Variants in TSHZ2 observed in about 807,000 individuals in gnomAD.
TSHZ2 encodes the protein teashirt homolog 2.
Under a neutral mutation model 74.4 loss-of-function variants are expected in TSHZ2, and 21 were observed. That is an observed-to-expected ratio of 0.28 (90% CI 0.20 to 0.41). TSHZ2 has a LOEUF of 0.41. Ranked by LOEUF, TSHZ2 falls within the 10% of genes least tolerant of loss-of-function variation. TSHZ2 has a pLI of 1.00. For synonymous variants in TSHZ2, 540 were observed against 515.3 expected, an observed-to-expected ratio of 1.05 and a Z score of -0.65; for missense variants, 1,244 against 1,293.5, an observed-to-expected ratio of 0.96 and a Z score of 0.59.
rs543708319 is a variant in TSHZ2 at position 53,334,734 on chromosome 20, G to A, written c.*8+78163G>A. ...TTTTGAGGCAGAGTCTCGCTCTGTC[G>A]CCCAGGCTGGAGTGCAGTGGCGCAC... On this transcript the variant is annotated intron_variant, in intron 2 of 2. Coordinates refer to ENST00000371497, the MANE Select transcript of TSHZ2 (RefSeq NM_173485.6). Among the ~76,000 whole-genome samples, 15 of 151,226 alleles carry A rather than the reference G, an allele frequency of 9.9e-5. No homozygotes were observed. The East Asian group carries it at 2.1e-3, about 22-fold the overall frequency.
chr20:53,236,210 C>G (rs1004712130), intron 1 of TSHZ2, among the ~76,000 whole-genome samples: 1 of 152,214 alleles, frequency 6.6e-6, no homozygotes, highest in Admixed American at 6.5e-5. Flanking sequence ...TCCTTTCTAT[C>G]TAACTACCAT....
chr20:53,129,736 C>T (rs535920494), intron 1 of TSHZ2, among the ~76,000 whole-genome samples: 5 of 152,214 alleles, frequency 3.3e-5, no homozygotes, highest in African/African-American at 7.2e-5. Flanking sequence ...TGTCAGTCTA[C>T]GCAGAGTGGC....
At chr20:53,478,768 A>G (rs1600671253) in intron 2 of TSHZ2, among the ~76,000 whole-genome samples, 1 of 152,236 alleles carries the variant, frequency 6.6e-6, no homozygotes, top group African/African-American at 2.4e-5. Flanking sequence ...CACTGTTGAC[A>G]TTTTAGGACA....
chr20:53,472,075 G>T (rs144525398), intron 2 of TSHZ2, among the ~76,000 whole-genome samples: 1 of 152,156 alleles, frequency 6.6e-6, no homozygotes, highest in Non-Finnish European at 1.5e-5. Flanking sequence ...AAAGTGCTGG[G>T]ACTACAGGTG....
intron 1 of TSHZ2, among the ~76,000 whole-genome samples, chr20:53,116,498 C>T (rs1986671210): frequency 6.6e-6 from 1 of 152,178 alleles, no homozygotes; most frequent in Non-Finnish European, 1.5e-5. Context: ...TGCTCCTGCC[C>T]TCCACCCCAC....
chr20:53,315,200 A>C (rs1978955538), intron 2 of TSHZ2, among the ~76,000 whole-genome samples: 1 of 152,216 alleles, frequency 6.6e-6, no homozygotes, highest in African/African-American at 2.4e-5. Flanking sequence ...AGAAGACTAA[A>C]GGTTTTCTTT....
intron 1 of TSHZ2, among the ~76,000 whole-genome samples, chr20:53,132,975 C>G (rs1987146470): frequency 1.3e-5 from 2 of 152,084 alleles, no homozygotes; most frequent in South Asian, 4.1e-4. Flanking sequence ...TGATGCATAT[C>G]TCTTTTCTCT....
chr20:53,179,380 C>T (rs1467856689), intron 1 of TSHZ2: 1 of 152,148 alleles, frequency 6.6e-6, no homozygotes, highest in East Asian at 1.9e-4. Context: ...TTCCAGCCAT[C>T]ATGACTTAAT....
chr20:53,187,117 G>A (rs1988617978), intron 1 of TSHZ2, among the ~76,000 whole-genome samples: 1 of 152,068 alleles, frequency 6.6e-6, no homozygotes, highest in Non-Finnish European at 1.5e-5. Context: ...CATAGATACA[G>A]GACAGTGATA....
In TSHZ2 at chr20:53,051,457, G is replaced by GCGCACACA. The variant is rs778579793; in HGVS notation, c.40+78125_40+78126insGCACACAC. On this transcript the variant is annotated intron_variant, in intron 1 of 2. Coordinates refer to ENST00000371497, the MANE Select transcript of TSHZ2 (RefSeq NM_173485.6). Reference sequence around the variant, plus strand: ...CTTATCATATTACTCTGTGGCGCACGCACACACACACACACACACACACAC... The same window carrying GCGCACACA: ...CTTATCATATTACTCTGTGGCGCACGCGCACACACACACACACACACACACACACACAC... 2.6e-4 allele frequency among the ~76,000 whole-genome samples: 38 copies of GCGCACACA among 145,208 alleles called. 1 individual carries two copies. Among genetic ancestry groups the GCGCACACA allele is most frequent in the Non-Finnish European group, 3.3e-4 (22 of 65,680 alleles).
At chr20:53,140,400 C>T (rs990375746) in intron 1 of TSHZ2, among the ~76,000 whole-genome samples, 23 of 151,670 alleles carry the variant, frequency 1.5e-4, no homozygotes, top group Middle Eastern at 3.2e-3. Flanking sequence ...ATTAGCCAGG[C>T]GAGGTGGCAG....
At chr20:53,380,020 C>A (rs1981799882) in intron 2 of TSHZ2, among the ~76,000 whole-genome samples, 1 of 152,156 alleles carries the variant, frequency 6.6e-6, no homozygotes, top group Admixed American at 6.5e-5. Context: ...AACCGGTTCT[C>A]AAAATAGATG....
intron 2 of TSHZ2, among the ~76,000 whole-genome samples, chr20:53,437,868 T>G (rs1984149846): frequency 6.6e-6 from 1 of 152,206 alleles, no homozygotes; most frequent in Admixed American, 6.5e-5. Context: ...CTCTTGCGTG[T>G]GATGTGCCTG....
At chr20:53,354,045 A>G (rs1980754785) in intron 2 of TSHZ2, among the ~76,000 whole-genome samples, 1 of 152,238 alleles carries the variant, frequency 6.6e-6, no homozygotes, top group Admixed American at 6.5e-5. Flanking sequence ...ATTCAGTGTA[A>G]TGCCGTCGTA....
intron 1 of TSHZ2, among the ~76,000 whole-genome samples, chr20:53,194,163 C>G (rs1988804363): frequency 1.3e-5 from 2 of 152,134 alleles, no homozygotes; most frequent in Non-Finnish European, 2.9e-5. Flanking sequence ...TGACCAGTTC[C>G]CCGAACTCTT....
At chr20:53,084,861 T>C (rs768442975) in intron 1 of TSHZ2, among the ~76,000 whole-genome samples, 13 of 152,140 alleles carry the variant, frequency 8.5e-5, no homozygotes, top group Admixed American at 7.9e-4. Flanking sequence ...TTAGCTTTTC[T>C]GAAAGCAATT....
intron 1 of TSHZ2, among the ~76,000 whole-genome samples, chr20:53,045,298 C>G (rs1984188149): frequency 6.6e-6 from 1 of 152,178 alleles, no homozygotes; most frequent in African/African-American, 2.4e-5. Context: ...TCCGTGATTT[C>G]AAAAGGGTGG....
chr20:53,395,207 T>C (rs1982405347), intron 2 of TSHZ2, among the ~76,000 whole-genome samples: 1 of 152,212 alleles, frequency 6.6e-6, no homozygotes, highest in Non-Finnish European at 1.5e-5. Context: ...TAAAAATAGA[T>C]TGTCCTGGAG....
chr20:52,994,795 C>G (rs1167480878), intron 1 of TSHZ2, among the ~76,000 whole-genome samples: 2 of 152,142 alleles, frequency 1.3e-5, no homozygotes, highest in African/African-American at 4.8e-5. Context: ...CTTGGTTTCC[C>G]TGTGTCTCCT....
Sources: gnomAD v4.1 joint callset for allele counts (sites outside exome capture counted in the v4.1 genomes callset) on GRCh38, gnomAD v4.1.1 for gene constraint, MANE v1.5 for transcripts, NCBI Gene and HGNC (gene_info 2026-07-23, HGNC 2026-07-21) for gene names.